The following IQCJ variants were observed in gnomAD, a reference collection of about 807,000 sequenced individuals.
IQCJ encodes IQ domain-containing protein J.
A neutral mutation model predicts 11.0 loss-of-function variants in IQCJ; 9 were observed. The observed-to-expected ratio is 0.82, with a 90% CI of 0.49 to 1.43. The LOEUF (loss-of-function observed/expected upper bound fraction) is 1.43. IQCJ is among the 40% of genes most tolerant of loss of function. The pLI is 0.00. For missense variants in IQCJ, 146 were observed against 133.2 expected (o/e 1.10, Z -0.47); for synonymous variants, 55 against 51.3 (o/e 1.07, Z -0.31).
intron 1 of IQCJ, among the ~76,000 whole-genome samples, chr3:159,214,145 C>G (rs945861023): frequency 6.6e-6 from 1 of 152,184 alleles, no homozygotes; most frequent in Non-Finnish European, 1.5e-5. Flanking sequence ...AGACCTTAAA[C>G]TCAACATGAC....
In IQCJ at chr3:159,155,246, C is replaced by T. The variant is rs148166471; in HGVS notation, c.9+85805C>T. 3.4e-3 allele frequency among the ~76,000 whole-genome samples: 511 copies of T among 152,300 alleles called. 4 individuals are homozygous for T. The highest frequency in any genetic ancestry group is 0.02 in the Middle Eastern group (6 of 294). ...GATCTCAGCTCATTGCAACCTCCAC[C>T]TCTTGGGTTCAAGAGATTCTCCTGC... On this transcript the variant is annotated intron_variant, in intron 1 of 3. Coordinates refer to ENST00000397832, the MANE Select transcript of IQCJ (RefSeq NM_001042706.3).
At chr3:159,210,351 A>C (rs1259371538) in intron 1 of IQCJ, among the ~76,000 whole-genome samples, 1 of 152,212 alleles carries the variant, frequency 6.6e-6, no homozygotes, top group African/African-American at 2.4e-5. Flanking sequence ...TTTTAATACT[A>C]TATGTGTAAA....
intron 1 of IQCJ, among the ~76,000 whole-genome samples, chr3:159,114,274 C>T (rs1311222264): frequency 6.6e-6 from 1 of 150,936 alleles, no homozygotes; most frequent in Non-Finnish European, 1.5e-5. Context: ...TTATCAGTGA[C>T]ATAGGTTTAA....
chr3:159,089,370 A>C lies in IQCJ; in HGVS notation c.9+19929A>C, dbSNP rs569265129. ...CCTTAACATTTTTTCCTTCATTTCA[A>C]CTTTGGTGAATCTGACAATTATGTG... On this transcript the variant is annotated intron_variant, in intron 1 of 3. Coordinates refer to ENST00000397832, the MANE Select transcript of IQCJ (RefSeq NM_001042706.3). Among the ~76,000 whole-genome samples the C allele has an allele frequency of 1.1e-4, 17 of 151,742 alleles. No individual in the cohort carries two copies. The South Asian group carries it at 3.6e-3, about 32-fold the overall frequency.
chr3:159,123,222 A>ATGACCCACATCTCTATCCAAAATATGAT (rs1719480510), intron 1 of IQCJ, among the ~76,000 whole-genome samples: 1 of 152,194 alleles, frequency 6.6e-6, no homozygotes, highest in Non-Finnish European at 1.5e-5. Flanking sequence ...CAAAATATGA[A>ATGACCCACATCTCTATCCAAAATATGAT]TGACCCACAT....
chr3:159,079,019 G>A (rs9862280), intron 1 of IQCJ, among the ~76,000 whole-genome samples: 9,791 of 152,120 alleles, frequency 0.064, 1,064 homozygotes, highest in African/African-American at 0.22. Flanking sequence ...GGCAGGCAGG[G>A]TTCTGATAGA....
chr3:159,251,291 A>T (rs935004525), intron 2 of IQCJ, among the ~76,000 whole-genome samples: 1 of 151,724 alleles, frequency 6.6e-6, no homozygotes. Context: ...CTTTACTACC[A>T]CCATATTCCT....
intron 1 of IQCJ, among the ~76,000 whole-genome samples, chr3:159,215,666 A>G (rs1255652927): frequency 1.3e-5 from 2 of 152,136 alleles, no homozygotes; most frequent in Non-Finnish European, 2.9e-5. Flanking sequence ...CTTCCACCAG[A>G]CAGGACAGTA....
rs529548699 is a variant in IQCJ, at chr3:159,216,849, T to C, written c.10-28994T>C. Reference sequence around the variant, plus strand: ...ATAAAGTGACTTAAAACAATAGAAGTCAATAACTTGACTTGTGAGTATATA... The same window carrying C: ...ATAAAGTGACTTAAAACAATAGAAGCCAATAACTTGACTTGTGAGTATATA... On this transcript the variant is annotated intron_variant, in intron 1 of 3. Coordinates refer to ENST00000397832, the MANE Select transcript of IQCJ (RefSeq NM_001042706.3). 4.6e-5 allele frequency among the ~76,000 whole-genome samples: 7 copies of C among 152,098 alleles called. No individual in the cohort carries two copies. In the South Asian group the frequency reaches 1.5e-3, roughly 32 times the overall value.
intron 2 of IQCJ, among the ~76,000 whole-genome samples, chr3:159,249,374 G>A (rs990343932): frequency 6.6e-5 from 10 of 152,136 alleles, no homozygotes; most frequent in African/African-American, 2.2e-4. Flanking sequence ...AAACTTTCTG[G>A]AAATGACCAG....
Position 159,245,875 on chromosome 3 carries a change from A to G in IQCJ, c.42A>G (p.Glu14=), listed in dbSNP as rs1023669252. 13 of 1,546,266 alleles carry G rather than the reference A, an allele frequency of 8.4e-6. No individual in the cohort carries two copies. Among genetic ancestry groups the G allele is most frequent in the Non-Finnish European group, 1.1e-5 (13 of 1,140,838 alleles). Residue 14 remains glutamate (E), a synonymous_variant, in exon 2 of 4, where the codon GAA becomes GAG. Transcript: ENST00000397832. The stretch of plus-strand genomic sequence containing the variant: ...TGAAAAGATTGCAGAATCCTCTAGA[A>G]CAAGTTAATGATGGAAAATATTCAT... ...EELKRLQNPL[E]QVNDGKYSFE...
intron 3 of IQCJ, among the ~76,000 whole-genome samples, chr3:159,258,319 T>A (rs570581670): frequency 2.6e-5 from 4 of 152,276 alleles, no homozygotes; most frequent in Admixed American, 6.5e-5. Flanking sequence ...TTGAACCATG[T>A]GTGCATCTCC....
At chr3:159,134,839 T>A (rs949594) in intron 1 of IQCJ, among the ~76,000 whole-genome samples, 1 of 152,106 alleles carries the variant, frequency 6.6e-6, no homozygotes, top group African/African-American at 2.4e-5. Context: ...GGTGAATAAT[T>A]ACCTTATTTA....
rs1175689063 is a variant in IQCJ, at chr3:159,262,972, G to A, written c.*241G>A. 3 of 1,213,190 alleles carry A rather than the reference G, an allele frequency of 2.5e-6. No individual in the cohort carries two copies. Among genetic ancestry groups the A allele is most frequent in the South Asian group, 6.0e-5 (2 of 33,402 alleles). The allele number at this position is 1,213,190 out of a possible 1,614,324, so 75.2% of individuals were successfully genotyped here. The stretch of plus-strand genomic sequence containing the variant: ...ATCTTTTTTGCTTTTCTTTATAATA[G>A]CATATTTCTTTTAGTATGTGCTGTG... On this transcript the variant is annotated 3_prime_UTR_variant, in exon 4 of 4. Transcript: ENST00000397832.
chr3:159,165,618 T>G (rs1290885408), intron 1 of IQCJ, among the ~76,000 whole-genome samples: 1 of 148,514 alleles, frequency 6.7e-6, no homozygotes, highest in African/African-American at 2.6e-5. Flanking sequence ...TGTTAAAGCT[T>G]CTTTTTTTTT....
chr3:159,168,667 C>A (rs1392412658), intron 1 of IQCJ, among the ~76,000 whole-genome samples: 1 of 152,020 alleles, frequency 6.6e-6, no homozygotes, highest in Non-Finnish European at 1.5e-5. Context: ...TGCATGTCTA[C>A]CCCCCATTGT....
chr3:159,155,774 A>C (rs543698393), intron 1 of IQCJ, among the ~76,000 whole-genome samples: 1 of 152,326 alleles, frequency 6.6e-6, no homozygotes, highest in African/African-American at 2.4e-5. Context: ...TGTACATACA[A>C]ATCACTTGAA....
intron 1 of IQCJ, among the ~76,000 whole-genome samples, chr3:159,220,723 C>T (rs189166995): frequency 7.0e-4 from 106 of 152,230 alleles, no homozygotes; most frequent in African/African-American, 2.0e-3. Flanking sequence ...GGAGGATCCC[C>T]GATGAACAAG....
intron 1 of IQCJ, among the ~76,000 whole-genome samples, chr3:159,200,027 C>T (rs974689113): frequency 2.0e-4 from 19 of 95,230 alleles, no homozygotes; most frequent in African/African-American, 4.1e-4. Context: ...AAGGAGTAAA[C>T]GACTATATAT....
Sources: gnomAD v4.1 joint callset for allele counts (sites outside exome capture counted in the v4.1 genomes callset) on GRCh38, gnomAD v4.1.1 for gene constraint, MANE v1.5 for transcripts, NCBI Gene and HGNC (gene_info 2026-07-23, HGNC 2026-07-21) for gene names.